The following DCHS2 variants were observed in gnomAD, a reference collection of about 807,000 sequenced individuals.
DCHS2 encodes protocadherin-23.
Under a neutral mutation model 182.4 loss-of-function variants are expected in DCHS2, and 142 were observed. That is an observed-to-expected ratio of 0.78 (90% CI 0.68 to 0.89). The LOEUF (loss-of-function observed/expected upper bound fraction) is 0.89. Among genes scored for constraint, DCHS2 ranks in the 40% least tolerant of loss-of-function variants. The probability of loss-of-function intolerance (pLI) is 0.00; values close to 1 mark genes in which losing one functional copy is unlikely to be tolerated. For synonymous variants in DCHS2, 1,740 were observed against 1,663.3 expected (o/e 1.05, Z -1.12); for missense variants, 4,319 against 4,198.6 (o/e 1.03, Z -0.79).
intron 5 of DCHS2, among the ~76,000 whole-genome samples, chr4:154,330,971 C>T (rs1736495506): frequency 6.6e-6 from 1 of 152,088 alleles, no homozygotes; most frequent in African/African-American, 2.4e-5. Flanking sequence ...ATGTAAAAGA[C>T]TGTGCAGCTC....
At chr4:154,433,312 A>C (rs1411427627) in intron 1 of DCHS2, among the ~76,000 whole-genome samples, 1 of 150,846 alleles carries the variant, frequency 6.6e-6, no homozygotes, top group African/African-American at 2.4e-5. Context: ...CTTCAGAGGG[A>C]CCATGGCCCT....
At position 154,391,101 on chromosome 4, in the gene DCHS2, T is replaced by C. The variant is rs1731680500; in HGVS notation, c.2053-13657A>G. The C allele has an allele frequency of 6.4e-6, 9 of 1,413,598 alleles. No individual in the cohort carries two copies. The Admixed American group carries it at 9.4e-5, about 15-fold the overall frequency. The allele number at this position is 1,413,598 out of a possible 1,614,324, so 87.6% of individuals were successfully genotyped here. A position where few individuals can be genotyped will look rare whatever the true frequency, so the allele number is the denominator to read the frequency against. On this transcript the variant is annotated intron_variant, in intron 1 of 19. Coordinates refer to ENST00000357232, the MANE Select transcript of DCHS2 (RefSeq NM_001358235.2). ...TTCTTTGGCCAGTATGAATCTCATATGTAATTTAGCAGAAGGAACAGACTT... is the reference window on the plus strand; with the variant it reads ...TTCTTTGGCCAGTATGAATCTCATACGTAATTTAGCAGAAGGAACAGACTT...
At chr4:154,442,543 A>ACACG (rs1734081934) in intron 1 of DCHS2, among the ~76,000 whole-genome samples, 1 of 47,432 alleles carries the variant, frequency 2.1e-5, no homozygotes, top group Non-Finnish European at 3.7e-5. Context: ...CCCCCCCCCC[A>ACACG]CACACACACA....
At chr4:154,427,909 A>T (rs1376745747) in intron 1 of DCHS2, among the ~76,000 whole-genome samples, 2 of 152,232 alleles carry the variant, frequency 1.3e-5, no homozygotes, top group African/African-American at 4.8e-5. Flanking sequence ...ACAATCAACA[A>T]AATCAACTGC....
chr4:154,334,872 GGGCTCTCTTGCTTTC>G lies in DCHS2; in HGVS notation c.2694_2708del (p.Lys899_Pro903del). The stretch of plus-strand genomic sequence containing the variant: ...GCATAAGAAATAAGTACTTACTCAA[GGGCTCTCTTGCTTTC>G]ACTGTTCCAATGGGACTATCTTCAG... On this transcript the variant is annotated inframe_deletion, in exon 4 of 20. Coordinates refer to ENST00000357232, the MANE Select transcript of DCHS2 (RefSeq NM_001358235.2). The G allele has an allele frequency of 6.2e-7, 1 of 1,609,270 alleles. No homozygotes were observed. The highest frequency in any genetic ancestry group is 8.5e-7 in the Non-Finnish European group (1 of 1,175,656).
intron 3 of DCHS2, among the ~76,000 whole-genome samples, chr4:154,355,892 T>C (rs774697767): frequency 2.0e-5 from 3 of 152,188 alleles, no homozygotes; most frequent in Non-Finnish European, 4.4e-5. Flanking sequence ...AAGTACATAA[T>C]TAAGCATATG....
At chr4:154,294,122 CAT>C (rs1734807101) in intron 13 of DCHS2, among the ~76,000 whole-genome samples, 1 of 152,196 alleles carries the variant, frequency 6.6e-6, no homozygotes, top group Non-Finnish European at 1.5e-5. Context: ...CTTTCATCTT[CAT>C]ATCTTAGACT....
At chr4:154,465,227 G>C (rs1735190331) in intron 1 of DCHS2, among the ~76,000 whole-genome samples, 1 of 152,122 alleles carries the variant, frequency 6.6e-6, no homozygotes, top group Admixed American at 6.5e-5. Flanking sequence ...GGGTCTGAAG[G>C]AGCCACCTCC....
Position 154,239,204 on chromosome 4 carries a change from G to A in DCHS2, c.7458C>T (p.Ser2486=). The change falls in exon 19 of 20, where the codon TCC becomes TCT. Residue 2486 remains serine, a synonymous_variant. Transcript: ENST00000357232. ...GATCAATGGAGAATTCCTTAGAAGAGGATAGAATTCTGTAAGAAATGTTCT... is the reference window on the plus strand; with the variant it reads ...GATCAATGGAGAATTCCTTAGAAGAAGATAGAATTCTGTAAGAAATGTTCT... The part of the protein sequence containing the change: ...SNENISYRIL[S]SSKEFSIDPK... 6.2e-7 allele frequency: 1 copy of A among 1,613,242 alleles called. No individual in the cohort carries two copies. Among genetic ancestry groups the A allele is most frequent in the Non-Finnish European group, 8.5e-7 (1 of 1,179,644 alleles).
intron 13 of DCHS2, among the ~76,000 whole-genome samples, chr4:154,293,941 C>T (rs1001507654): frequency 6.6e-6 from 1 of 152,048 alleles, no homozygotes; most frequent in Non-Finnish European, 1.5e-5. Context: ...ACTATCTCCC[C>T]GACCCTTCCC....
chr4:154,379,958 G>A (rs1424190574), intron 1 of DCHS2, among the ~76,000 whole-genome samples: 5 of 152,108 alleles, frequency 3.3e-5, no homozygotes, highest in Admixed American at 6.6e-5. Context: ...ACTTTTGGTT[G>A]TCACAACTGG....
chr4:154,438,215 G>T (rs557084406), intron 1 of DCHS2, among the ~76,000 whole-genome samples: 11 of 152,264 alleles, frequency 7.2e-5, no homozygotes, highest in African/African-American at 2.6e-4. Context: ...ACAAGGTATG[G>T]TGAAAAGTGC....
In DCHS2 at chr4:154,322,316, T is replaced by C; in HGVS notation, c.4176+15A>G. ...TCTTTAGATGTCCTTCCATATTTTA[T>C]GGTGACAACATTACCTGAATATTAA... On this transcript the variant is annotated intron_variant, in intron 8 of 19. Transcript: ENST00000357232. The C allele has an allele frequency of 1.9e-6, 3 of 1,612,240 alleles. No individual in the cohort carries two copies. The highest frequency in any genetic ancestry group is 1.3e-5 in the African/African-American group (1 of 75,014).
intron 1 of DCHS2, among the ~76,000 whole-genome samples, chr4:154,426,494 A>G (rs1733330895): frequency 6.6e-6 from 1 of 152,182 alleles, no homozygotes; most frequent in Non-Finnish European, 1.5e-5. Context: ...ATAAGGTTAT[A>G]TATGAAGAAT....
chr4:154,265,232 C>T (rs894241109), intron 14 of DCHS2, among the ~76,000 whole-genome samples: 9 of 151,864 alleles, frequency 5.9e-5, no homozygotes, highest in African/African-American at 1.9e-4. Flanking sequence ...TTTCATTTAC[C>T]GTAGTGAGAA....
chr4:154,477,616 A>G (rs1735740689), intron 1 of DCHS2, among the ~76,000 whole-genome samples: 2 of 152,236 alleles, frequency 1.3e-5, no homozygotes, highest in Admixed American at 1.3e-4. Context: ...ATTTGGAAAG[A>G]AAGCAATTAT....
chr4:154,307,820 G>A (rs1395609788), intron 10 of DCHS2, among the ~76,000 whole-genome samples: 4 of 151,950 alleles, frequency 2.6e-5, no homozygotes, highest in Non-Finnish European at 5.9e-5. Flanking sequence ...TCTCCTACCC[G>A]ACCACTACCT....
intron 13 of DCHS2, among the ~76,000 whole-genome samples, chr4:154,274,413 T>C (rs528347176): frequency 2.6e-5 from 4 of 152,304 alleles, no homozygotes; most frequent in African/African-American, 7.2e-5. Context: ...TAGATTGTGC[T>C]ACTAATTTGT....
intron 3 of DCHS2, among the ~76,000 whole-genome samples, chr4:154,350,129 C>A (rs1234035302): frequency 1.3e-5 from 2 of 152,250 alleles, no homozygotes; most frequent in African/African-American, 4.8e-5. Flanking sequence ...CCTTACAGAT[C>A]TCTGAGGAAC....
Sources: allele counts gnomAD v4.1 joint callset (sites outside exome capture counted in the v4.1 genomes callset), GRCh38; gene constraint gnomAD v4.1.1; transcripts MANE v1.5; gene names NCBI Gene and HGNC (gene_info 2026-07-23, HGNC 2026-07-21).